TMTC1: variants seen among roughly 807,000 people sequenced by gnomAD.
TMTC1 encodes the protein transmembrane O-mannosyltransferase targeting cadherins 1.
A neutral mutation model predicts 104.8 loss-of-function variants in TMTC1; 73 were observed. The observed-to-expected ratio is 0.70, with a 90% CI of 0.58 to 0.85. The LOEUF (loss-of-function observed/expected upper bound fraction) is 0.85, where lower values mean the gene tolerates loss of function less well. Ranked by LOEUF, TMTC1 falls within the 40% of genes least tolerant of loss-of-function variation. TMTC1 has a pLI of 0.00. For synonymous variants in TMTC1, 434 were observed against 428.7 expected, an observed-to-expected ratio of 1.01 and a Z score of -0.15; for missense variants, 1,035 against 1,096.1, an observed-to-expected ratio of 0.94 and a Z score of 0.79.
intron 5 of TMTC1, among the ~76,000 whole-genome samples, chr12:29,696,184 G>A (rs938305069): frequency 2.6e-5 from 4 of 152,012 alleles, no homozygotes; most frequent in Non-Finnish European, 5.9e-5. Context: ...CTATTATTTC[G>A]TTCCTGCACA....
chr12:29,762,682 C>T (rs2120412687), intron 2 of TMTC1, among the ~76,000 whole-genome samples: 1 of 152,324 alleles, frequency 6.6e-6, no homozygotes, highest in East Asian at 1.9e-4. Flanking sequence ...AAAGCTATTA[C>T]CTGACGTGGC....
chr12:29,509,545 C>T (rs1280402907), intron 17 of TMTC1, among the ~76,000 whole-genome samples: 1 of 152,156 alleles, frequency 6.6e-6, no homozygotes, highest in Non-Finnish European at 1.5e-5. Context: ...ATGGAAAAGA[C>T]ACAGAAAGTT....
intron 5 of TMTC1, among the ~76,000 whole-genome samples, chr12:29,681,179 T>C (rs1288017342): frequency 6.6e-6 from 1 of 150,530 alleles, no homozygotes; most frequent in East Asian, 1.9e-4. Flanking sequence ...TCATATAAAG[T>C]AACTTAGAGT....
chr12:29,753,752 T>G (rs1373134549), intron 4 of TMTC1, among the ~76,000 whole-genome samples: 1 of 152,240 alleles, frequency 6.6e-6, no homozygotes. Context: ...GGAACCATAT[T>G]TGTCTTGCTC....
chr12:29,638,181 C>T (rs1283117787), intron 5 of TMTC1, among the ~76,000 whole-genome samples: 1 of 152,086 alleles, frequency 6.6e-6, no homozygotes, highest in African/African-American at 2.4e-5. Flanking sequence ...TTGCATTTTC[C>T]AAAACCCCTC....
At chr12:29,530,506 T>C (rs538659268) in intron 11 of TMTC1, among the ~76,000 whole-genome samples, 27 of 152,282 alleles carry the variant, frequency 1.8e-4, no homozygotes, top group Middle Eastern at 6.8e-3. Flanking sequence ...AAACGTTGTG[T>C]CTCCACCTCA....
At chr12:29,507,096 C>G (rs1369325042) in intron 17 of TMTC1, 110 bp from the exon 18 acceptor site, 2 of 865,268 alleles carry the variant, frequency 2.3e-6, no homozygotes, top group Non-Finnish European at 3.7e-6. Context: ...TTAATGTTCT[C>G]ATATGGAAAC....
At chr12:29,563,724 A>T (rs142352270) in intron 9 of TMTC1, among the ~76,000 whole-genome samples, 171 of 152,320 alleles carry the variant, frequency 1.1e-3, no homozygotes, top group African/African-American at 3.9e-3. Flanking sequence ...ATGTTCGTCC[A>T]GACTTTGTTT....
chr12:29,668,289 G>C (rs149106537), intron 5 of TMTC1, among the ~76,000 whole-genome samples: 118 of 152,250 alleles, frequency 7.8e-4, no homozygotes, highest in Non-Finnish European at 1.5e-3. Flanking sequence ...TCGCATGGCA[G>C]AAGAGCAGAA....
At chr12:29,612,267 T>C (rs1946864969) in intron 6 of TMTC1, among the ~76,000 whole-genome samples, 1 of 152,148 alleles carries the variant, frequency 6.6e-6, no homozygotes, top group South Asian at 2.1e-4. Flanking sequence ...TGGTTTACTT[T>C]GCCAGATAAA....
At chr12:29,580,117 G>A (rs1945935586) in intron 8 of TMTC1, among the ~76,000 whole-genome samples, 2 of 152,106 alleles carry the variant, frequency 1.3e-5, no homozygotes, top group African/African-American at 4.8e-5. Flanking sequence ...AAGGAGTAGA[G>A]ACCAGCCTGG....
chr12:29,595,675 G>A (rs1425625752), intron 7 of TMTC1, among the ~76,000 whole-genome samples: 3 of 152,184 alleles, frequency 2.0e-5, no homozygotes, highest in East Asian at 3.9e-4. Context: ...AGGGCACAGC[G>A]AGAGCAAAGG....
intron 5 of TMTC1, among the ~76,000 whole-genome samples, chr12:29,720,140 T>C (rs1018830528): frequency 6.6e-6 from 1 of 152,240 alleles, no homozygotes; most frequent in Non-Finnish European, 1.5e-5. Context: ...AATGCTATCA[T>C]GTTTGAACTC....
At chr12:29,654,000 CT>C (rs1939641347) in intron 5 of TMTC1, among the ~76,000 whole-genome samples, 1 of 152,146 alleles carries the variant, frequency 6.6e-6, no homozygotes, top group Non-Finnish European at 1.5e-5. Flanking sequence ...GAAAAAGATA[CT>C]TGACCAAGAG....
chr12:29,570,242 A>G (rs1945630443), intron 9 of TMTC1, among the ~76,000 whole-genome samples: 1 of 152,216 alleles, frequency 6.6e-6, no homozygotes, highest in South Asian at 2.1e-4. Flanking sequence ...GCCTTTTAAA[A>G]AATGACATTT....
chr12:29,724,760 A>G (rs1942334974), intron 5 of TMTC1, among the ~76,000 whole-genome samples: 1 of 152,116 alleles, frequency 6.6e-6, no homozygotes, highest in South Asian at 2.1e-4. Context: ...CAAAATTCAC[A>G]ATAATGTTAC....
chr12:29,659,975 G>A (rs1003912353), intron 5 of TMTC1: 18 of 1,535,274 alleles, frequency 1.2e-5, no homozygotes, highest in Non-Finnish European at 1.4e-5. Context: ...AGTACAAAAT[G>A]ACAAGCACCT....
At chr12:29,631,933 A>G (rs1050858953) in intron 6 of TMTC1, among the ~76,000 whole-genome samples, 2 of 152,204 alleles carry the variant, frequency 1.3e-5, no homozygotes, top group African/African-American at 4.8e-5. Flanking sequence ...GAATTTTCCA[A>G]TCTCTGCTGC....
chr12:29,689,568 C>T (rs1349108256), intron 5 of TMTC1, among the ~76,000 whole-genome samples: 1 of 152,140 alleles, frequency 6.6e-6, no homozygotes, highest in Non-Finnish European at 1.5e-5. Context: ...CCGTCTCAGG[C>T]CCTGGGCTCT....
Sources: gnomAD v4.1 joint callset for allele counts (sites outside exome capture counted in the v4.1 genomes callset) on GRCh38, gnomAD v4.1.1 for gene constraint, MANE v1.5 for transcripts, NCBI Gene and HGNC (gene_info 2026-07-23, HGNC 2026-07-21) for gene names.